SEC11A: variants seen among roughly 807,000 people sequenced by gnomAD.
SEC11A encodes the protein signal peptidase complex catalytic subunit SEC11A.
In SEC11A, 14 loss-of-function variants were observed where a neutral mutation model predicts 25.6. The ratio of observed to expected loss-of-function variants is 0.55; its 90% confidence interval spans 0.36 to 0.85. SEC11A has a LOEUF of 0.85. SEC11A is among the 40% of genes least tolerant of loss of function. SEC11A has a pLI of 0.01. For missense variants in SEC11A, 153 were observed against 222.9 expected, an observed-to-expected ratio of 0.69 and a Z score of 2.00; for synonymous variants, 83 against 76.4, an observed-to-expected ratio of 1.09 and a Z score of -0.45.
intron 1 of SEC11A, among the ~76,000 whole-genome samples, chr15:84,693,662 T>C (rs1897675466): frequency 6.6e-6 from 1 of 152,030 alleles, no homozygotes; most frequent in South Asian, 2.1e-4. Context: ...GGTTTCACCA[T>C]GCTGGCCAGA....
chr15:84,692,312 G>T (rs78919548), intron 1 of SEC11A, among the ~76,000 whole-genome samples: 3 of 151,970 alleles, frequency 2.0e-5, no homozygotes, highest in Admixed American at 2.0e-4. Context: ...GATTACAGGC[G>T]TGAGTCACCA....
intron 1 of SEC11A, among the ~76,000 whole-genome samples, chr15:84,702,353 C>A (rs555765576): frequency 1.3e-5 from 2 of 148,290 alleles, no homozygotes; most frequent in South Asian, 4.3e-4. Context: ...CCCAGCTACT[C>A]GGGAGGCTGA....
chr15:84,712,901 C>T (rs527830980), intron 1 of SEC11A, among the ~76,000 whole-genome samples: 9 of 152,136 alleles, frequency 5.9e-5, no homozygotes, highest in South Asian at 2.1e-4. Flanking sequence ...GATCAGTATA[C>T]GTAAGTATAA....
At chr15:84,677,833 T>C (rs964614678) in intron 4 of SEC11A, among the ~76,000 whole-genome samples, 3 of 152,152 alleles carry the variant, frequency 2.0e-5, no homozygotes, top group African/African-American at 7.2e-5. Context: ...TAACCTTTCG[T>C]AGGATGATGC....
At chr15:84,708,376 G>T (rs1466367028) in intron 1 of SEC11A, among the ~76,000 whole-genome samples, 1 of 151,978 alleles carries the variant, frequency 6.6e-6, no homozygotes, top group East Asian at 1.9e-4. Flanking sequence ...CAGTAATAAA[G>T]ATTTTCCTGA....
intron 1 of SEC11A, among the ~76,000 whole-genome samples, chr15:84,702,713 G>C (rs1420967639): frequency 6.6e-6 from 1 of 152,080 alleles, no homozygotes; most frequent in Non-Finnish European, 1.5e-5. Flanking sequence ...AGAAGAAATA[G>C]ACAACCTGAA....
At chr15:84,678,517 A>G (rs1897199767) in intron 4 of SEC11A, among the ~76,000 whole-genome samples, 1 of 152,248 alleles carries the variant, frequency 6.6e-6, no homozygotes, top group Admixed American at 6.5e-5. Context: ...TGTTCTATCC[A>G]TAGGATAGAG....
At chr15:84,714,373 G>T (rs1201108776) in intron 1 of SEC11A, among the ~76,000 whole-genome samples, 1 of 152,098 alleles carries the variant, frequency 6.6e-6, no homozygotes, top group Non-Finnish European at 1.5e-5. Context: ...CCACAGTACA[G>T]CCAATACTCA....
intron 2 of SEC11A, among the ~76,000 whole-genome samples, chr15:84,689,351 C>T (rs1897530179): frequency 6.6e-6 from 1 of 152,070 alleles, no homozygotes; most frequent in African/African-American, 2.4e-5. Flanking sequence ...ATATACTTAC[C>T]TGCAAATTGA....
intron 1 of SEC11A, among the ~76,000 whole-genome samples, chr15:84,703,436 C>T (rs1898007260): frequency 2.0e-5 from 3 of 152,216 alleles, no homozygotes; most frequent in African/African-American, 7.2e-5. Flanking sequence ...TGCTTCCTCT[C>T]TCATCTTGCA....
chr15:84,681,046 A>G (rs953762165), intron 3 of SEC11A, among the ~76,000 whole-genome samples: 6 of 152,260 alleles, frequency 3.9e-5, no homozygotes, highest in African/African-American at 1.4e-4. Context: ...TAAGGAGCTC[A>G]AATATTATGT....
At chr15:84,703,828 A>T (rs1898018837) in intron 1 of SEC11A, among the ~76,000 whole-genome samples, 1 of 152,202 alleles carries the variant, frequency 6.6e-6, no homozygotes, top group Non-Finnish European at 1.5e-5. Context: ...ATATGAAGAT[A>T]ATTGTGTGCC....
chr15:84,699,390 C>A (rs1456001410), intron 1 of SEC11A, among the ~76,000 whole-genome samples: 1 of 150,264 alleles, frequency 6.7e-6, no homozygotes, highest in African/African-American at 2.4e-5. Flanking sequence ...GTTAAAGAGA[C>A]CAAATTTACC....
chr15:84,690,471 A>G (rs750962513), intron 2 of SEC11A, among the ~76,000 whole-genome samples: 1 of 152,082 alleles, frequency 6.6e-6, no homozygotes, highest in Non-Finnish European at 1.5e-5. Flanking sequence ...TAAAAAATTA[A>G]CCAGGCATGG....
chr15:84,702,910 G>A (rs1047890261), intron 1 of SEC11A, among the ~76,000 whole-genome samples: 2 of 152,094 alleles, frequency 1.3e-5, no homozygotes, highest in East Asian at 1.9e-4. Context: ...TATTTATTTA[G>A]TAAGCCCATT....
chr15:84,705,771 C>A (rs1204703547), intron 1 of SEC11A, among the ~76,000 whole-genome samples: 1 of 151,528 alleles, frequency 6.6e-6, no homozygotes, highest in African/African-American at 2.4e-5. Context: ...AGGAGAACCG[C>A]TTGAACCCAG....
At chr15:84,709,346 G>A (rs1898192999) in intron 1 of SEC11A, among the ~76,000 whole-genome samples, 1 of 151,844 alleles carries the variant, frequency 6.6e-6, no homozygotes, top group Non-Finnish European at 1.5e-5. Context: ...TTTATCCCCA[G>A]AATGATTTAT....
intron 1 of SEC11A, among the ~76,000 whole-genome samples, chr15:84,707,865 C>G (rs1403248121): frequency 6.6e-6 from 1 of 152,088 alleles, no homozygotes; most frequent in African/African-American, 2.4e-5. Flanking sequence ...GTACTATATT[C>G]TGGATTTTGC....
At chr15:84,695,088 T>TA (rs55789527) in intron 1 of SEC11A, among the ~76,000 whole-genome samples, 756 of 26,956 alleles carry the variant, frequency 0.028, 61 homozygotes, top group Non-Finnish European at 0.033. Flanking sequence ...AGACTCCATC[T>TA]AAAAAAAAAA....
Sources: allele counts gnomAD v4.1 joint callset (sites outside exome capture counted in the v4.1 genomes callset), GRCh38; gene constraint gnomAD v4.1.1; transcripts MANE v1.5; gene names NCBI Gene and HGNC (gene_info 2026-07-23, HGNC 2026-07-21).